The following AP1G1 variants were observed in gnomAD, a reference collection of about 807,000 sequenced individuals.
The protein encoded by AP1G1 is AP-1 complex subunit gamma-1.
AP1G1 carries 7 observed loss-of-function variants against 108.3 expected under a neutral mutation model. The observed-to-expected ratio is 0.06, with a 90% CI of 0.04 to 0.12. AP1G1 has a LOEUF of 0.12. Ranked by LOEUF, AP1G1 falls within the 10% of genes least tolerant of loss-of-function variation. The pLI, the probability that AP1G1 is intolerant of heterozygous loss-of-function variation, is 1.00. For synonymous variants in AP1G1, 379 were observed against 353.5 expected (o/e 1.07, Z -0.81); for missense variants, 756 against 1,010.7 (o/e 0.75, Z 3.42).
chr16:71,793,488 G>A (rs1241420840), intron 1 of AP1G1, among the ~76,000 whole-genome samples: 2 of 152,124 alleles, frequency 1.3e-5, no homozygotes, highest in African/African-American at 4.8e-5. Context: ...AGTTAAAAAT[G>A]TCACCCAACA....
chr16:71,772,612 G>C (rs1322349496), intron 4 of AP1G1, among the ~76,000 whole-genome samples: 3 of 152,080 alleles, frequency 2.0e-5, no homozygotes. Flanking sequence ...CCTTTTCAAT[G>C]CCTCTTTCCC....
At chr16:71,782,104 G>A (rs2032040154) in intron 2 of AP1G1, among the ~76,000 whole-genome samples, 1 of 152,136 alleles carries the variant, frequency 6.6e-6, no homozygotes, top group African/African-American at 2.4e-5. Context: ...CTATACAGAA[G>A]GAAGGCCATA....
intron 6 of AP1G1, among the ~76,000 whole-genome samples, chr16:71,767,315 C>G (rs1009256462): frequency 3.3e-5 from 5 of 152,118 alleles, no homozygotes; most frequent in Admixed American, 6.5e-5. Flanking sequence ...AATAAGATGA[C>G]ACAGGGAAAG....
At position 71,745,526 on chromosome 16, in the gene AP1G1, G is replaced by C; in HGVS notation, c.1819C>G (p.Pro607Ala). 1.2e-6 allele frequency: 2 copies of C among 1,614,174 alleles called. No homozygotes were observed. Among genetic ancestry groups the C allele is most frequent in the Non-Finnish European group, 1.7e-6 (2 of 1,180,018 alleles). ...EIVQTNGETE[P>A]APLETKPPPS... Reference sequence around the variant, plus strand: ...GGCGGTTTGGTCTCTAGTGGAGCTGGTTCTGTCTCTCCATTTGTCTGCACA... The same window carrying C: ...GGCGGTTTGGTCTCTAGTGGAGCTGCTTCTGTCTCTCCATTTGTCTGCACA... Residue 607 changes from proline (P) to alanine (A), a missense_variant, in exon 18 of 23, where the codon CCA (proline) becomes GCA (alanine). Transcript: ENST00000299980.
At chr16:71,808,419 G>C (rs1490576612) in intron 1 of AP1G1, 27 of 1,134,678 alleles carry the variant, frequency 2.4e-5, no homozygotes, top group Non-Finnish European at 3.0e-5. Flanking sequence ...GCGGGGGTGG[G>C]GCCCGCCCCG....
intron 1 of AP1G1, among the ~76,000 whole-genome samples, chr16:71,801,922 CAAAAA>C (rs901972267): frequency 6.3e-5 from 4 of 63,732 alleles, no homozygotes; most frequent in Admixed American, 1.9e-4. Flanking sequence ...ACTCCGTAAC[CAAAAA>C]AAAAAAAAAA....
At position 71,744,574 on chromosome 16, in the gene AP1G1, T is replaced by TTTG. The variant is rs1555551736; in HGVS notation, c.1999+569_1999+570insCAA. Among the ~76,000 whole-genome samples the TTTG allele has an allele frequency of 4.8e-5, 7 of 145,576 alleles. No homozygotes were observed. In the South Asian group the frequency reaches 1.6e-3, roughly 34 times the overall value. On this transcript the variant is annotated intron_variant, in intron 19 of 22. Coordinates refer to ENST00000299980, the MANE Select transcript of AP1G1 (RefSeq NM_001128.6). ...TTGAGCTTGAAAGAGAAAGTGTGTT[T>TTTG]TTTTTTTTTTTTTTTTGGAGACAGA...
At chr16:71,765,376 TAATC>T (rs1213642775) in intron 7 of AP1G1, 109 bp downstream of exon 7, 4 of 650,378 alleles carry the variant, frequency 6.2e-6, no homozygotes, top group Non-Finnish European at 1.1e-5. Context: ...TTAATATAAT[TAATC>T]AATTAACTAC....
At chr16:71,737,894 T>G (rs955210476) in intron 21 of AP1G1, among the ~76,000 whole-genome samples, 1 of 152,290 alleles carries the variant, frequency 6.6e-6, no homozygotes, top group Non-Finnish European at 1.5e-5. Flanking sequence ...CAGAACTATG[T>G]TCATTCATTT....
intron 3 of AP1G1, among the ~76,000 whole-genome samples, chr16:71,773,871 T>G (rs993374880): frequency 6.7e-6 from 1 of 149,304 alleles, no homozygotes; most frequent in Non-Finnish European, 1.5e-5. Flanking sequence ...CAAGTGATTC[T>G]TCTGCCTCAG....
rs543127028 is a variant in AP1G1, at chr16:71,771,110, T to C, written c.565+46A>G. The C allele has an allele frequency of 9.6e-6, 12 of 1,247,808 alleles. No individual in the cohort carries two copies. In the African/African-American group the frequency reaches 1.8e-4, roughly 18 times the overall value. 77.3% of individuals were successfully genotyped at this position (1,247,808 alleles called of 1,614,324 possible). A position where few individuals can be genotyped will look rare whatever the true frequency, so the allele number is the denominator to read the frequency against. On this transcript the variant is annotated intron_variant, in intron 5 of 22. Transcript: ENST00000299980. ...AACATAGCCTTAAGCCTTTTCTCTT[T>C]CCCTTTCTCCCTCAATACTTCATGA...
At chr16:71,740,875 G>A (rs2045610766) in intron 19 of AP1G1, among the ~76,000 whole-genome samples, 1 of 152,110 alleles carries the variant, frequency 6.6e-6, no homozygotes, top group African/African-American at 2.4e-5. Context: ...TACAAACTAG[G>A]TAGATCAAAA....
chr16:71,749,020 C>A (rs960003676), intron 15 of AP1G1, among the ~76,000 whole-genome samples: 1 of 152,098 alleles, frequency 6.6e-6, no homozygotes, highest in African/African-American at 2.4e-5. Flanking sequence ...CATTCTCCTG[C>A]CTCAGCCTCC....
At chr16:71,755,902 C>T (rs1186482102) in intron 12 of AP1G1, 117 bp downstream of exon 12, 1 of 1,163,410 alleles carries the variant, frequency 8.6e-7, no homozygotes, top group African/African-American at 1.6e-5. Context: ...CCTTGGCCTC[C>T]CAAACTGCTG....
chr16:71,762,209 G>A (rs2031120422), intron 9 of AP1G1, among the ~76,000 whole-genome samples: 1 of 151,950 alleles, frequency 6.6e-6, no homozygotes, highest in African/African-American at 2.4e-5. Flanking sequence ...CTGACACATG[G>A]TTCAACCTTG....
At chr16:71,786,094 C>T (rs1309716075) in intron 2 of AP1G1, among the ~76,000 whole-genome samples, 1 of 152,074 alleles carries the variant, frequency 6.6e-6, no homozygotes, top group African/African-American at 2.4e-5. Flanking sequence ...TTCCCAGTCC[C>T]ATTCAGAAAA....
rs561101840 is a variant in AP1G1 at position 71,777,365 on chromosome 16, G to A, written c.202-2773C>T. Among the ~76,000 whole-genome samples the A allele has an allele frequency of 5.9e-5, 9 of 152,078 alleles. No homozygotes were observed. In the South Asian group the frequency reaches 1.9e-3, roughly 32 times the overall value. ...AAAACAAAGAGAGAGGAGCAACTGG[G>A]GGCCAGCTGGGGAGCTCAGATGGAG... On this transcript the variant is annotated intron_variant, in intron 2 of 22. Coordinates refer to ENST00000299980, the MANE Select transcript of AP1G1 (RefSeq NM_001128.6).
At position 71,746,589 on chromosome 16, in the gene AP1G1, T is replaced by A; in HGVS notation, c.1729A>T (p.Arg577Trp). ...NALFKKYDHM[R>W]SALLERMPVM... ...CATTGCTTAGTTTCTTTCGCTCACCTCATGTGGTCATATTTCTTGAAAAGT... is the reference window on the plus strand; with the variant it reads ...CATTGCTTAGTTTCTTTCGCTCACCACATGTGGTCATATTTCTTGAAAAGT... The change falls in exon 17 of 23, where the codon AGG becomes TGG. Residue 577 changes from arginine (R) to tryptophan (W), a missense_variant and splice_region_variant. By Grantham distance (101) the Arg-to-Trp change is moderately radical. Coordinates refer to ENST00000299980, the MANE Select transcript of AP1G1 (RefSeq NM_001128.6). 6.3e-7 allele frequency: 1 copy of A among 1,595,960 alleles called. No homozygotes were observed.
chr16:71,748,561 G>A (rs752562465), intron 15 of AP1G1, among the ~76,000 whole-genome samples, 183 bp from the exon 16 acceptor site: 10 of 151,956 alleles, frequency 6.6e-5, no homozygotes, highest in Non-Finnish European at 8.8e-5. Flanking sequence ...GTAGTTGGGG[G>A]TAAAAAAAAG....
Sources: allele counts gnomAD v4.1 joint callset (sites outside exome capture counted in the v4.1 genomes callset), GRCh38; gene constraint gnomAD v4.1.1; transcripts MANE v1.5; gene names NCBI Gene and HGNC (gene_info 2026-07-23, HGNC 2026-07-21).